Variants in ELMO1 observed in about 807,000 individuals in gnomAD.
ELMO1 encodes the protein engulfment and cell motility 1.
ELMO1 carries 26 observed loss-of-function variants against 98.9 expected under a neutral mutation model. The observed-to-expected ratio is 0.26, with a 90% confidence interval of 0.19 to 0.36. The LOEUF (loss-of-function observed/expected upper bound fraction) is 0.36. Among genes scored for constraint, ELMO1 ranks in the 10% least tolerant of loss-of-function variants. The pLI, the probability that ELMO1 is intolerant of heterozygous loss-of-function variation, is 1.00. For missense variants in ELMO1, 627 were observed against 935.2 expected (o/e 0.67, Z 4.30); for synonymous variants, 346 against 346.0 (o/e 1.00, Z 0.00).
intron 16 of ELMO1, among the ~76,000 whole-genome samples, chr7:36,955,915 G>A (rs902233665): frequency 2.0e-5 from 3 of 152,266 alleles, no homozygotes; most frequent in Admixed American, 6.5e-5. Flanking sequence ...AGGATAAACT[G>A]TTCTCACTTC....
Position 37,224,949 on chromosome 7 carries a change from T to C in ELMO1, c.631A>G (p.Asn211Asp). The C allele has an allele frequency of 6.2e-7, 1 of 1,614,148 alleles. No individual in the cohort carries two copies. Among genetic ancestry groups the C allele is most frequent in the Non-Finnish European group, 8.5e-7 (1 of 1,180,006 alleles). ...ACTTTCTGGTAGAGGTCATGGCTAT[T>C]GAGCACCATCGACTCCAAAATGGCC... is the stretch of plus-strand genomic sequence containing the variant. The part of the protein sequence containing the change: ...SLAILESMVL[N>D]SHDLYQKVAQ... The change falls in exon 9 of 22, where the codon AAT (asparagine) becomes GAT (aspartate). Residue 211 changes from asparagine to aspartate, a missense_variant. This residue lies in a region of ELMO1 where 492 missense variants were observed against 715.6 expected (regional missense o/e 0.69). Transcript: ENST00000310758.
At chr7:37,223,296 T>A (rs11977609) in intron 9 of ELMO1, among the ~76,000 whole-genome samples, 2 of 152,132 alleles carry the variant, frequency 1.3e-5, no homozygotes, top group African/African-American at 4.8e-5. Context: ...TAAGGAGGAC[T>A]CAAGGCATAA....
At chr7:37,223,016 G>A (rs972896565) in intron 9 of ELMO1, among the ~76,000 whole-genome samples, 8 of 152,164 alleles carry the variant, frequency 5.3e-5, no homozygotes, top group African/African-American at 1.9e-4. Context: ...ATAGATGTAT[G>A]TATGTCTGTA....
intron 13 of ELMO1, among the ~76,000 whole-genome samples, chr7:37,133,588 A>G (rs184993415): frequency 6.6e-6 from 1 of 152,312 alleles, no homozygotes; most frequent in African/African-American, 2.4e-5. Flanking sequence ...GTAGAAAAAA[A>G]CTGGGATAAA....
At chr7:37,327,767 T>G (rs1313469320) in intron 2 of ELMO1, among the ~76,000 whole-genome samples, 1 of 152,098 alleles carries the variant, frequency 6.6e-6, no homozygotes, top group Non-Finnish European at 1.5e-5. Context: ...CTTCTGAGTC[T>G]CAAAAAATGT....
At chr7:36,931,863 A>G (rs913000304) in intron 16 of ELMO1, among the ~76,000 whole-genome samples, 2 of 152,172 alleles carry the variant, frequency 1.3e-5, no homozygotes, top group Non-Finnish European at 2.9e-5. Flanking sequence ...CTTAATAACC[A>G]TCTGTGTGTG....
At chr7:37,411,275 G>T (rs75532300) in intron 1 of ELMO1, among the ~76,000 whole-genome samples, 2 of 152,074 alleles carry the variant, frequency 1.3e-5, no homozygotes, top group African/African-American at 2.4e-5. Context: ...TTCATTTACC[G>T]CTAGCCGTTG....
chr7:37,261,660 T>C (rs904177477), intron 5 of ELMO1, among the ~76,000 whole-genome samples: 1 of 152,122 alleles, frequency 6.6e-6, no homozygotes, highest in Non-Finnish European at 1.5e-5. Context: ...TGGAGTGCAG[T>C]GGCACAATCT....
At chr7:37,084,066 G>A (rs2129239066) in intron 15 of ELMO1, among the ~76,000 whole-genome samples, 1 of 152,276 alleles carries the variant, frequency 6.6e-6, no homozygotes, top group African/African-American at 2.4e-5. Context: ...TGAAACACAA[G>A]ATTGAAAATA....
chr7:36,983,871 G>A (rs560666152), intron 16 of ELMO1, among the ~76,000 whole-genome samples: 2 of 152,180 alleles, frequency 1.3e-5, no homozygotes, highest in African/African-American at 4.8e-5. Context: ...GCATGAATGC[G>A]TTTTTAGGTG....
At chr7:36,866,188 G>A (rs1803020116) in intron 20 of ELMO1, among the ~76,000 whole-genome samples, 1 of 152,148 alleles carries the variant, frequency 6.6e-6, no homozygotes, top group South Asian at 2.1e-4. Flanking sequence ...CCACAAATCA[G>A]CTTATTTTTA....
At chr7:37,427,449 C>G (rs1804755548) in intron 1 of ELMO1, among the ~76,000 whole-genome samples, 1 of 152,216 alleles carries the variant, frequency 6.6e-6, no homozygotes, top group Non-Finnish European at 1.5e-5. Context: ...TGCAACGTGT[C>G]ACAGATCACT....
chr7:37,044,170 TGAGG>T (rs1795679834), intron 15 of ELMO1, among the ~76,000 whole-genome samples: 1 of 152,138 alleles, frequency 6.6e-6, no homozygotes, highest in Non-Finnish European at 1.5e-5. Flanking sequence ...AAATGCTCAA[TGAGG>T]GATGGATTGA....
chr7:37,065,340 C>A (rs902565074), intron 15 of ELMO1, among the ~76,000 whole-genome samples: 2 of 152,096 alleles, frequency 1.3e-5, no homozygotes, highest in Admixed American at 6.6e-5. Context: ...GTCTCCATCA[C>A]CCCCGGCCTG....
intron 14 of ELMO1, 56 bp from the exon 15 acceptor site, chr7:37,096,783 G>T: frequency 6.9e-7 from 1 of 1,456,754 alleles, no homozygotes; most frequent in Non-Finnish European, 9.6e-7. Flanking sequence ...AAAACATCAA[G>T]AATATCACCT....
intron 1 of ELMO1, among the ~76,000 whole-genome samples, chr7:37,384,897 C>T (rs534115558): frequency 4.6e-5 from 7 of 152,260 alleles, no homozygotes; most frequent in Admixed American, 2.6e-4. Context: ...AAAATGCACA[C>T]GAATTCGTTT....
At chr7:37,309,014 T>C (rs1476741034) in intron 4 of ELMO1, among the ~76,000 whole-genome samples, 2 of 152,122 alleles carry the variant, frequency 1.3e-5, no homozygotes, top group East Asian at 3.9e-4. Context: ...GGAGAAATGC[T>C]TGGAGTCAGG....
chr7:37,398,194 T>C (rs1803376628), intron 1 of ELMO1, among the ~76,000 whole-genome samples: 1 of 152,148 alleles, frequency 6.6e-6, no homozygotes, highest in Admixed American at 6.5e-5. Flanking sequence ...GGATGGCCAA[T>C]AATACACATT....
chr7:36,899,593 A>AT (rs1311043414), intron 16 of ELMO1, among the ~76,000 whole-genome samples: 1 of 148,768 alleles, frequency 6.7e-6, no homozygotes, highest in East Asian at 2.0e-4. Context: ...CCAACACGTG[A>AT]TTTTGAATCC....
Sources: gnomAD v4.1 joint callset for allele counts (sites outside exome capture counted in the v4.1 genomes callset) on GRCh38, gnomAD v4.1.1 for gene constraint, gnomAD v4.1.1 regional missense constraint, MANE v1.5 for transcripts, NCBI Gene and HGNC (gene_info 2026-07-23, HGNC 2026-07-21) for gene names.